SLC31A1: variants seen among roughly 807,000 people sequenced by gnomAD.
SLC31A1 encodes the protein solute carrier family 31 member 1.
In SLC31A1, 5 loss-of-function variants were observed where a neutral mutation model predicts 17.2. The observed-to-expected ratio is 0.29, with a 90% CI of 0.15 to 0.61. SLC31A1 has a LOEUF of 0.61. Ranked by LOEUF, SLC31A1 falls within the 20% of genes least tolerant of loss-of-function variation. SLC31A1 has a pLI of 0.86. For missense variants in SLC31A1, 161 were observed against 241.4 expected, an observed-to-expected ratio of 0.67 and a Z score of 2.21; for synonymous variants, 76 against 78.8, an observed-to-expected ratio of 0.96 and a Z score of 0.19.
chr9:113,230,279 G>A (rs1263283496), intron 1 of SLC31A1, among the ~76,000 whole-genome samples: 2 of 152,114 alleles, frequency 1.3e-5, no homozygotes, highest in African/African-American at 4.8e-5. Flanking sequence ...GCTGGAGTGC[G>A]GTGGCGCGAT....
chr9:113,248,495 G>C (rs1430195369), intron 1 of SLC31A1, among the ~76,000 whole-genome samples: 2 of 101,400 alleles, frequency 2.0e-5, no homozygotes, highest in Non-Finnish European at 3.8e-5. Flanking sequence ...TTGAAACAGA[G>C]TTTTGCTCTT....
intron 3 of SLC31A1, 49 bp downstream of exon 3, chr9:113,257,234 C>T (rs765839932): frequency 2.0e-6 from 3 of 1,483,536 alleles, no homozygotes; most frequent in South Asian, 1.1e-5. Flanking sequence ...ACATGAGAGA[C>T]AGTGACAAAT....
At chr9:113,245,886 G>C (rs10817466) in intron 1 of SLC31A1, among the ~76,000 whole-genome samples, 7 of 150,184 alleles carry the variant, frequency 4.7e-5, no homozygotes, top group Non-Finnish European at 1.0e-4. Context: ...TGCCTGCCTC[G>C]GCCTCCCAAA....
chr9:113,222,757 C>G (rs77361187), intron 1 of SLC31A1, among the ~76,000 whole-genome samples: 3 of 152,296 alleles, frequency 2.0e-5, no homozygotes, highest in Non-Finnish European at 4.4e-5. Context: ...GAACTAGAAT[C>G]TAAGGACTAG....
chr9:113,246,398 C>T (rs994973854), intron 1 of SLC31A1, among the ~76,000 whole-genome samples: 1 of 151,788 alleles, frequency 6.6e-6, no homozygotes. Context: ...GTCACCCAGG[C>T]TGGAGTGCAG....
At chr9:113,228,266 G>A (rs915977421) in intron 1 of SLC31A1, among the ~76,000 whole-genome samples, 6 of 152,102 alleles carry the variant, frequency 3.9e-5, no homozygotes, top group African/African-American at 1.2e-4. Flanking sequence ...CACAGTTAGC[G>A]GACTGGAAGT....
chr9:113,246,063 T>G (rs886868500), intron 1 of SLC31A1, among the ~76,000 whole-genome samples: 1 of 152,122 alleles, frequency 6.6e-6, no homozygotes, highest in Admixed American at 6.6e-5. Context: ...GTTGTTTTTA[T>G]TTTTTGAGAC....
chr9:113,230,494 A>G (rs1831390513), intron 1 of SLC31A1, among the ~76,000 whole-genome samples: 2 of 152,296 alleles, frequency 1.3e-5, no homozygotes, highest in South Asian at 4.1e-4. Flanking sequence ...CCTGGACTCA[A>G]GAGATCCTTC....
chr9:113,248,457 CA>C (rs1296188788), intron 1 of SLC31A1, among the ~76,000 whole-genome samples: 1 of 141,924 alleles, frequency 7.0e-6, no homozygotes, highest in African/African-American at 2.7e-5. Flanking sequence ...TACTTGAAAG[CA>C]GTCCTTTTTT....
chr9:113,260,164 G>A (rs1831775139), intron 4 of SLC31A1, 108 bp from the exon 5 acceptor site: 1 of 901,332 alleles, frequency 1.1e-6, no homozygotes, highest in East Asian at 2.4e-5. Flanking sequence ...AGTTGCCAGA[G>A]TGGCTGTCCA....
chr9:113,254,853 C>T (rs1483429995), intron 1 of SLC31A1, among the ~76,000 whole-genome samples: 1 of 151,104 alleles, frequency 6.6e-6, no homozygotes, highest in Non-Finnish European at 1.5e-5. Context: ...GAGCCGAGAT[C>T]ACACCACTGC....
At chr9:113,253,958 CTT>C (rs397967653) in intron 1 of SLC31A1, among the ~76,000 whole-genome samples, 10 of 110,390 alleles carry the variant, frequency 9.1e-5, no homozygotes, top group Admixed American at 2.2e-4. Flanking sequence ...TACCCACAGT[CTT>C]TTTTTTTTTT....
intron 1 of SLC31A1, among the ~76,000 whole-genome samples, chr9:113,248,266 A>G (rs571698931): frequency 1.3e-5 from 2 of 152,006 alleles, no homozygotes; most frequent in East Asian, 3.9e-4. Flanking sequence ...GGAGGTTGCA[A>G]TGAGCTGAGA....
At chr9:113,257,478 ATTTTTTTTTTT>A (rs532189321) in intron 3 of SLC31A1, among the ~76,000 whole-genome samples, 1 of 101,184 alleles carries the variant, frequency 9.9e-6, no homozygotes, top group Non-Finnish European at 1.9e-5. Flanking sequence ...AGAGTGTTTA[ATTTTTTTTTTT>A]TTTTTTTTTT....
chr9:113,260,146 T>C, intron 4 of SLC31A1, 126 bp from the exon 5 acceptor site: 1 of 784,638 alleles, frequency 1.3e-6, no homozygotes, highest in Non-Finnish European at 2.3e-6. Context: ...AACATTCAAG[T>C]ACCCATGAGT....
chr9:113,259,022 A>T (rs141387455), intron 4 of SLC31A1, among the ~76,000 whole-genome samples, 160 bp downstream of exon 4: 22 of 152,366 alleles, frequency 1.4e-4, no homozygotes, highest in African/African-American at 5.0e-4. Flanking sequence ...GGTCATGAGC[A>T]GGCCAAAGGA....
rs535472847 is a variant in SLC31A1 at position 113,261,492 on chromosome 9, ACAAT to A, written c.*1024_*1027del. ...GCATGAACTTGCCAATCAAAAAATG[ACAAT>A]CAATTTGAGAAAATAGAAATAGATA... On this transcript the variant is annotated 3_prime_UTR_variant, in exon 5 of 5. Coordinates refer to ENST00000374212, the MANE Select transcript of SLC31A1 (RefSeq NM_001859.4). 2.3e-3 allele frequency: 348 copies of A among 152,772 alleles called. 1 individual carries two copies. Among genetic ancestry groups the A allele is most frequent in the African/African-American group, 7.9e-3 (328 of 41,578 alleles). The allele number at this position is 152,772 out of a possible 1,614,324, so 9.5% of individuals were successfully genotyped here.
At chr9:113,242,531 A>C (rs1831533765) in intron 1 of SLC31A1, among the ~76,000 whole-genome samples, 1 of 152,132 alleles carries the variant, frequency 6.6e-6, no homozygotes, top group African/African-American at 2.4e-5. Context: ...GGCCTCCCTC[A>C]GTAGCTGACA....
At chr9:113,242,296 G>A (rs1310360949) in intron 1 of SLC31A1, among the ~76,000 whole-genome samples, 2 of 152,250 alleles carry the variant, frequency 1.3e-5, no homozygotes, top group Non-Finnish European at 2.9e-5. Context: ...ATACCAGACA[G>A]AAAAGTGGGG....
Sources: allele counts gnomAD v4.1 joint callset (sites outside exome capture counted in the v4.1 genomes callset), GRCh38; gene constraint gnomAD v4.1.1; transcripts MANE v1.5; gene names NCBI Gene and HGNC (gene_info 2026-07-23, HGNC 2026-07-21).